Variants in ROBO2 observed in about 807,000 individuals in gnomAD.
ROBO2 encodes the protein roundabout homolog 2.
In ROBO2, 53 loss-of-function variants were observed where a neutral mutation model predicts 160.8. That is an observed-to-expected ratio of 0.33 (90% CI 0.26 to 0.41). The LOEUF (loss-of-function observed/expected upper bound fraction) is 0.41. ROBO2 is among the 10% of genes least tolerant of loss of function. The pLI is 1.00. For synonymous variants in ROBO2, 664 were observed against 611.7 expected (o/e 1.09, Z -1.26); for missense variants, 1,577 against 1,722.4 (o/e 0.92, Z 1.49).
chr3:77,425,863 A>G (rs1041655926), intron 2 of ROBO2, among the ~76,000 whole-genome samples: 1 of 151,890 alleles, frequency 6.6e-6, no homozygotes, highest in Non-Finnish European at 1.5e-5. Flanking sequence ...GGGTTTCACC[A>G]TGTTGGCAAG....
chr3:76,772,663 G>T (rs1287866119), intron 2 of ROBO2, among the ~76,000 whole-genome samples: 3 of 150,774 alleles, frequency 2.0e-5, no homozygotes, highest in East Asian at 2.0e-4. Flanking sequence ...GCATACAGTG[G>T]CCACTGCACT....
intron 2 of ROBO2, among the ~76,000 whole-genome samples, chr3:76,852,536 AGTT>A (rs2069517219): frequency 6.6e-6 from 1 of 152,138 alleles, no homozygotes; most frequent in South Asian, 2.1e-4. Context: ...GATGCTTCAG[AGTT>A]GTTGAATATT....
chr3:76,103,185 AG>A (rs1181422525), intron 2 of ROBO2, among the ~76,000 whole-genome samples: 1 of 152,202 alleles, frequency 6.6e-6, no homozygotes, highest in African/African-American at 2.4e-5. Flanking sequence ...TTCCAGGTAC[AG>A]GAGAAAGTCG....
At chr3:77,034,869 T>C (rs760805784) in intron 2 of ROBO2, among the ~76,000 whole-genome samples, 1 of 151,936 alleles carries the variant, frequency 6.6e-6, no homozygotes, top group Non-Finnish European at 1.5e-5. Context: ...TGGCAAAGAA[T>C]CAAAGGGATT....
intron 2 of ROBO2, among the ~76,000 whole-genome samples, chr3:77,430,438 A>G (rs1277229474): frequency 1.3e-5 from 2 of 152,160 alleles, no homozygotes; most frequent in Admixed American, 6.5e-5. Flanking sequence ...AAAAATGTGT[A>G]TGTACATATT....
At chr3:76,538,181 ACAC>A (rs1480410984) in intron 2 of ROBO2, among the ~76,000 whole-genome samples, 1 of 151,666 alleles carries the variant, frequency 6.6e-6, no homozygotes, top group Non-Finnish European at 1.5e-5. Flanking sequence ...ACACACACAC[ACAC>A]CATATTCATA....
At chr3:77,307,790 G>A (rs2153419154) in intron 2 of ROBO2, among the ~76,000 whole-genome samples, 1 of 152,226 alleles carries the variant, frequency 6.6e-6, no homozygotes, top group South Asian at 2.1e-4. Flanking sequence ...GGCTAAGGCG[G>A]GAGAATCACT....
intron 2 of ROBO2, among the ~76,000 whole-genome samples, chr3:76,424,357 A>G (rs1487601990): frequency 1.3e-5 from 2 of 152,180 alleles, no homozygotes; most frequent in East Asian, 3.9e-4. Flanking sequence ...TAGTATTCCT[A>G]CAATTGTATT....
intron 2 of ROBO2, among the ~76,000 whole-genome samples, chr3:76,714,077 C>A (rs1202733698): frequency 1.3e-5 from 2 of 152,110 alleles, no homozygotes; most frequent in Middle Eastern, 3.4e-3. Context: ...GGAATGAAGT[C>A]TTTTAATACC....
chr3:76,542,495 T>C (rs1238855740), intron 2 of ROBO2, among the ~76,000 whole-genome samples: 1 of 152,146 alleles, frequency 6.6e-6, no homozygotes, highest in Non-Finnish European at 1.5e-5. Flanking sequence ...TATCTACTCA[T>C]TGTATCTTTT....
At chr3:77,210,109 T>A (rs1472134966) in intron 2 of ROBO2, among the ~76,000 whole-genome samples, 1 of 152,002 alleles carries the variant, frequency 6.6e-6, no homozygotes, top group Non-Finnish European at 1.5e-5. Context: ...GGTAAGCTTA[T>A]GCTTTTTCTA....
intron 2 of ROBO2, among the ~76,000 whole-genome samples, chr3:76,098,878 A>G (rs1316337478): frequency 1.3e-5 from 2 of 152,154 alleles, no homozygotes; most frequent in Non-Finnish European, 2.9e-5. Context: ...CTTTGTCTAG[A>G]GGGCAAAGTG....
chr3:77,417,409 G>T (rs1296694698), intron 2 of ROBO2, among the ~76,000 whole-genome samples: 1 of 152,070 alleles, frequency 6.6e-6, no homozygotes, highest in African/African-American at 2.4e-5. Flanking sequence ...TAAAGAAAAG[G>T]ATTAATTTAC....
At chr3:77,644,568 TA>T (rs2095392159) in intron 24 of ROBO2, 135 bp from the exon 27 acceptor site, 1 of 803,664 alleles carries the variant, frequency 1.2e-6, no homozygotes, top group Admixed American at 2.2e-5. Flanking sequence ...CGGTCCTGAT[TA>T]AACTTCATAA....
chr3:77,639,189 A>G (rs1477364602), intron 24 of ROBO2, among the ~76,000 whole-genome samples: 1 of 152,148 alleles, frequency 6.6e-6, no homozygotes, highest in East Asian at 1.9e-4. Context: ...GCTCTGCCAC[A>G]TACTAGCTTT....
intron 2 of ROBO2, among the ~76,000 whole-genome samples, chr3:76,465,416 C>T (rs1207241452): frequency 6.6e-6 from 1 of 152,018 alleles, no homozygotes; most frequent in Non-Finnish European, 1.5e-5. Context: ...CAATTGGGAT[C>T]TGGGATAAGG....
At chr3:76,555,377 A>AGAAGAAGAAGAAGAAGAAGAC (rs2083671336) in intron 2 of ROBO2, among the ~76,000 whole-genome samples, 1 of 54,292 alleles carries the variant, frequency 1.8e-5, no homozygotes. Flanking sequence ...AAGAAGAAGA[A>AGAAGAAGAAGAAGAAGAAGAC]GAAGAAGAAG....
chr3:76,090,747 A>AGAACGGAACG (rs762192370), intron 2 of ROBO2, among the ~76,000 whole-genome samples: 5 of 152,246 alleles, frequency 3.3e-5, no homozygotes, highest in South Asian at 4.1e-4. Flanking sequence ...ACAGACACAT[A>AGAACGGAACG]GAACGGAACG....
At chr3:76,940,279 G>T (rs188424284) in intron 2 of ROBO2, among the ~76,000 whole-genome samples, 12 of 152,202 alleles carry the variant, frequency 7.9e-5, no homozygotes, top group Non-Finnish European at 2.9e-5. Context: ...ACTGCGCCTC[G>T]CCGCAACAGG....
Sources: gnomAD v4.1 joint callset for allele counts (sites outside exome capture counted in the v4.1 genomes callset) on GRCh38, gnomAD v4.1.1 for gene constraint, MANE v1.5 for transcripts, NCBI Gene and HGNC (gene_info 2026-07-23, HGNC 2026-07-21) for gene names.